LRRTM4: variants seen among roughly 807,000 people sequenced by gnomAD.
LRRTM4 encodes leucine-rich repeat transmembrane neuronal protein 4.
In LRRTM4, 25 loss-of-function variants were observed where a neutral mutation model predicts 47.6. That is an observed-to-expected ratio of 0.53 (90% CI 0.38 to 0.73). LRRTM4 has a LOEUF of 0.73. LRRTM4 is among the 30% of genes least tolerant of loss of function. LRRTM4 has a pLI of 0.00. For missense variants in LRRTM4, 638 were observed against 713.4 expected, an observed-to-expected ratio of 0.89 and a Z score of 1.20; for synonymous variants, 311 against 269.5, an observed-to-expected ratio of 1.15 and a Z score of -1.51.
At chr2:77,001,388 G>T (rs541341465) in intron 3 of LRRTM4, among the ~76,000 whole-genome samples, 1 of 152,092 alleles carries the variant, frequency 6.6e-6, no homozygotes, top group African/African-American at 2.4e-5. Context: ...CAATTCCCAG[G>T]AAAGTGATCT....
At chr2:77,258,641 T>A (rs779584072) in intron 3 of LRRTM4, among the ~76,000 whole-genome samples, 1 of 151,986 alleles carries the variant, frequency 6.6e-6, no homozygotes, top group African/African-American at 2.4e-5. Context: ...GGCACTGAGA[T>A]AGTAAACTCG....
In LRRTM4 at chr2:77,222,888, G is replaced by A. The variant is rs147720884; in HGVS notation, c.1551+295430C>T. Among the ~76,000 whole-genome samples the A allele has an allele frequency of 2.8e-3, 422 of 152,198 alleles. 1 individual carries two copies. The highest frequency in any genetic ancestry group is 9.9e-3 in the African/African-American group (411 of 41,520). On this transcript the variant is annotated intron_variant, in intron 3 of 3. Coordinates refer to ENST00000409884, the MANE Select transcript of LRRTM4 (RefSeq NM_001134745.3). ...CAGCATCATCCTGATACCAAAGCCT[G>A]GCAGAGACACAATAAAAAACGAGAA...
chr2:77,411,618 A>ATTTTTTTTTTTTTTTTTT (rs1222177148), intron 3 of LRRTM4, among the ~76,000 whole-genome samples: 5 of 64,800 alleles, frequency 7.7e-5, no homozygotes, highest in East Asian at 4.6e-4. Context: ...ATGCCCGGCT[A>ATTTTTTTTTTTTTTTTTT]TTTTTTTTTT....
chr2:76,925,235 A>C (rs761428694), intron 3 of LRRTM4, among the ~76,000 whole-genome samples: 4 of 152,010 alleles, frequency 2.6e-5, no homozygotes, highest in Non-Finnish European at 4.4e-5. Flanking sequence ...ATGCTTTCCT[A>C]CTCTTCATGA....
Position 76,984,194 on chromosome 2 carries a change from A to T in LRRTM4, c.1552-235278T>A, listed in dbSNP as rs189038100. Among the ~76,000 whole-genome samples, 329 of 152,226 alleles carry T rather than the reference A, an allele frequency of 2.2e-3. 7 individuals carry two copies. Among genetic ancestry groups the T allele is most frequent in the African/African-American group, 7.7e-3 (319 of 41,574 alleles). On this transcript the variant is annotated intron_variant, in intron 3 of 3. Transcript: ENST00000409884. ...TGACTGAGAATTAAGATACTGTGAT[A>T]CACATAAGACAGCTTTTCACAGCTT...
At chr2:76,821,765 T>G (rs981782741) in intron 3 of LRRTM4, among the ~76,000 whole-genome samples, 1 of 151,600 alleles carries the variant, frequency 6.6e-6, no homozygotes, top group Non-Finnish European at 1.5e-5. Flanking sequence ...AAATTGTGTT[T>G]TTTTTCCCAA....
At chr2:76,793,868 C>T (rs538807563) in intron 3 of LRRTM4, among the ~76,000 whole-genome samples, 18 of 152,262 alleles carry the variant, frequency 1.2e-4, no homozygotes, top group African/African-American at 3.6e-4. Context: ...GTCACAAATA[C>T]AATTCGTATG....
chr2:77,141,155 G>A (rs957718621), intron 3 of LRRTM4, among the ~76,000 whole-genome samples: 21 of 152,156 alleles, frequency 1.4e-4, no homozygotes, highest in Admixed American at 1.0e-3. Flanking sequence ...TCATGCTGCT[G>A]TAAAGACACA....
chr2:77,227,109 T>C (rs1157354890), intron 3 of LRRTM4, among the ~76,000 whole-genome samples: 1 of 152,032 alleles, frequency 6.6e-6, no homozygotes, highest in Non-Finnish European at 1.5e-5. Flanking sequence ...TGGTAGTTGT[T>C]GCTCCATGAC....
intron 3 of LRRTM4, among the ~76,000 whole-genome samples, chr2:76,996,511 A>G (rs934961047): frequency 1.3e-4 from 19 of 151,866 alleles, no homozygotes; most frequent in Non-Finnish European, 2.4e-4. Flanking sequence ...TAATAATTGT[A>G]TAAGATCAAG....
chr2:76,826,531 T>G (rs982371107), intron 3 of LRRTM4, among the ~76,000 whole-genome samples: 1 of 112,222 alleles, frequency 8.9e-6, no homozygotes, highest in East Asian at 4.8e-4. Flanking sequence ...AATTGCTACA[T>G]AGAAAAAATA....
chr2:77,510,458 GA>G (rs1678941561), intron 3 of LRRTM4, among the ~76,000 whole-genome samples: 1 of 152,030 alleles, frequency 6.6e-6, no homozygotes, highest in South Asian at 2.1e-4. Context: ...TATTTTAAGA[GA>G]AGGCAACTAA....
intron 3 of LRRTM4, among the ~76,000 whole-genome samples, chr2:77,232,293 T>G (rs1674986333): frequency 6.6e-6 from 1 of 152,234 alleles, no homozygotes; most frequent in Non-Finnish European, 1.5e-5. Context: ...TATTTAATTT[T>G]AAAGAACAGA....
chr2:77,270,648 C>G (rs1006980831), intron 3 of LRRTM4, among the ~76,000 whole-genome samples: 5 of 152,198 alleles, frequency 3.3e-5, no homozygotes, highest in African/African-American at 1.2e-4. Context: ...TCCTCACCCT[C>G]TCTTATGATA....
chr2:77,385,333 A>G (rs1349728032), intron 3 of LRRTM4, among the ~76,000 whole-genome samples: 4 of 152,158 alleles, frequency 2.6e-5, no homozygotes, highest in Non-Finnish European at 5.9e-5. Context: ...TCAACTAACA[A>G]CTACATTAAC....
At chr2:77,135,505 T>C (rs1421998498) in intron 3 of LRRTM4, among the ~76,000 whole-genome samples, 1 of 152,214 alleles carries the variant, frequency 6.6e-6, no homozygotes, top group Non-Finnish European at 1.5e-5. Context: ...ATCAATGTTA[T>C]CAGTGACAGT....
At chr2:77,380,641 C>T (rs1573336777) in intron 3 of LRRTM4, among the ~76,000 whole-genome samples, 1 of 151,576 alleles carries the variant, frequency 6.6e-6, no homozygotes, top group Non-Finnish European at 1.5e-5. Context: ...ACTAAAAATG[C>T]AAAAATTAGC....
chr2:77,315,357 C>T (rs950483594), intron 3 of LRRTM4, among the ~76,000 whole-genome samples: 11 of 152,134 alleles, frequency 7.2e-5, no homozygotes, highest in South Asian at 4.2e-4. Flanking sequence ...AAAGGTATTG[C>T]TCATTCATAT....
At chr2:76,911,940 G>T (rs139468096) in intron 3 of LRRTM4, among the ~76,000 whole-genome samples, 1,706 of 136,278 alleles carry the variant, frequency 0.013, 107 homozygotes, top group Non-Finnish European at 0.013. Context: ...CTTTTTGGGG[G>T]GGGGGGGGGG....
Sources: gnomAD v4.1 joint callset for allele counts (sites outside exome capture counted in the v4.1 genomes callset) on GRCh38, gnomAD v4.1.1 for gene constraint, MANE v1.5 for transcripts, NCBI Gene and HGNC (gene_info 2026-07-23, HGNC 2026-07-21) for gene names.